Variants in ENPP2 observed in about 807,000 individuals in gnomAD.
ENPP2 encodes the protein autotaxin.
ENPP2 carries 51 observed loss-of-function variants against 120.2 expected under a neutral mutation model. That is an observed-to-expected ratio of 0.42 (90% CI 0.34 to 0.54). ENPP2 has a LOEUF of 0.54. Among genes scored for constraint, ENPP2 ranks in the 20% least tolerant of loss-of-function variants. The probability of loss-of-function intolerance (pLI) is 0.04; values close to 1 mark genes in which losing one functional copy is unlikely to be tolerated. For synonymous variants in ENPP2, 365 were observed against 366.4 expected, an observed-to-expected ratio of 1.00 and a Z score of 0.04; for missense variants, 920 against 1,066.5, an observed-to-expected ratio of 0.86 and a Z score of 1.91.
chr8:119,589,516 C>T (rs1018399801), intron 13 of ENPP2, among the ~76,000 whole-genome samples: 1 of 151,968 alleles, frequency 6.6e-6, no homozygotes, highest in Admixed American at 6.6e-5. Flanking sequence ...CCCTGAAGTG[C>T]AAATACTAAA....
rs139233874 is a variant in ENPP2, at chr8:119,623,339, C to T, written c.293-1820G>A. Among the ~76,000 whole-genome samples the T allele has an allele frequency of 2.6e-5, 4 of 152,018 alleles. No individual in the cohort carries two copies. The South Asian group carries it at 6.3e-4, about 24-fold the overall frequency. ...AATTAGCCGGGCATGGTGGTGCATG[C>T]CTGTAATCCCAGCTACTCAGGAGGC... On this transcript the variant is annotated intron_variant, in intron 3 of 24. Transcript: ENST00000075322.
intron 15 of ENPP2, 88 bp downstream of exon 15, chr8:119,586,098 A>G (rs1587396871): frequency 7.2e-7 from 1 of 1,385,662 alleles, no homozygotes; most frequent in East Asian, 2.3e-5. Context: ...TATTTCTTTC[A>G]GTGATGACTA....
At chr8:119,658,318 T>C (rs1279401797) in intron 1 of ENPP2, among the ~76,000 whole-genome samples, 1 of 152,232 alleles carries the variant, frequency 6.6e-6, no homozygotes, top group Non-Finnish European at 1.5e-5. Flanking sequence ...TCGCGCAAGC[T>C]GGAGTGCAGT....
At chr8:119,645,861 T>C (rs1817431897) in intron 1 of ENPP2, among the ~76,000 whole-genome samples, 1 of 152,068 alleles carries the variant, frequency 6.6e-6, no homozygotes, top group South Asian at 2.1e-4. Flanking sequence ...TTCCTGTTTG[T>C]ACTCTCTGTC....
At chr8:119,609,021 G>A (rs1365644532) in intron 8 of ENPP2, among the ~76,000 whole-genome samples, 1 of 152,178 alleles carries the variant, frequency 6.6e-6, no homozygotes, top group African/African-American at 2.4e-5. Context: ...GAGAATTGTG[G>A]TTTGCCTAAG....
intron 2 of ENPP2, among the ~76,000 whole-genome samples, chr8:119,630,559 C>A (rs1816592358): frequency 6.6e-6 from 1 of 152,182 alleles, no homozygotes; most frequent in East Asian, 1.9e-4. Context: ...AATTGAATCT[C>A]ACTTAATAGT....
chr8:119,600,398 T>G (rs1814214348), intron 11 of ENPP2, among the ~76,000 whole-genome samples: 1 of 152,198 alleles, frequency 6.6e-6, no homozygotes, highest in African/African-American at 2.4e-5. Flanking sequence ...ACCCTCCAAC[T>G]GACGCCCACA....
rs781221284 is a variant in ENPP2, at chr8:119,582,534, T to G, written c.1612A>C (p.Asn538His). The G allele has an allele frequency of 6.2e-7, 1 of 1,613,618 alleles. No homozygotes were observed. Residue 538 changes from asparagine to histidine, a missense_variant, in exon 18 of 25, where the codon AAT (asparagine) becomes CAT (histidine). By Grantham distance (68) the Asn-to-His change is moderately conservative. Transcript: ENST00000075322. Reference sequence around the variant, plus strand: ...TCTGGCATGGTTGGCCTGAAGGTATTAGTGCGCAGGAGATGATTCAAACTT... The same window carrying G: ...TCTGGCATGGTTGGCCTGAAGGTATGAGTGCGCAGGAGATGATTCAAACTT... Reference protein sequence around the residue: ...HGSLNHLLRTNTFRPTMPEEV... With the variant: ...HGSLNHLLRTHTFRPTMPEEV...
chr8:119,627,072 T>C (rs191952196), intron 2 of ENPP2, among the ~76,000 whole-genome samples: 24 of 152,274 alleles, frequency 1.6e-4, no homozygotes, highest in African/African-American at 5.8e-4. Context: ...TCTGTGATGA[T>C]TAGTGCCCCT....
At chr8:119,563,187 C>A (rs113842168) in intron 23 of ENPP2, among the ~76,000 whole-genome samples, 174 bp from the exon 24 acceptor site, 1 of 152,220 alleles carries the variant, frequency 6.6e-6, no homozygotes, top group African/African-American at 2.4e-5. Flanking sequence ...ATAATGTTTT[C>A]TTTGCCTGGA....
At chr8:119,645,145 T>G (rs1480805762) in intron 1 of ENPP2, among the ~76,000 whole-genome samples, 1 of 152,102 alleles carries the variant, frequency 6.6e-6, no homozygotes, top group African/African-American at 2.4e-5. Flanking sequence ...ATGGGGCATC[T>G]CCAGAACGGT....
At chr8:119,572,042 C>G (rs1587352298) in intron 19 of ENPP2, 1 of 660,452 alleles carries the variant, frequency 1.5e-6, no homozygotes, top group East Asian at 2.8e-5. Flanking sequence ...GGACCCACCC[C>G]TAAGGATTAG....
intron 9 of ENPP2, among the ~76,000 whole-genome samples, chr8:119,601,688 ACT>A (rs1814322170): frequency 6.6e-6 from 1 of 152,002 alleles, no homozygotes; most frequent in Non-Finnish European, 1.5e-5. Flanking sequence ...TACACTGGAA[ACT>A]CTGATTCACA....
intron 2 of ENPP2, among the ~76,000 whole-genome samples, chr8:119,636,336 T>C (rs1816998650): frequency 6.6e-6 from 1 of 152,224 alleles, no homozygotes; most frequent in African/African-American, 2.4e-5. Flanking sequence ...ATCCTTGATT[T>C]TTATTCAGGA....
intron 19 of ENPP2, among the ~76,000 whole-genome samples, 184 bp downstream of exon 19, chr8:119,579,932 C>T (rs1812612260): frequency 6.6e-6 from 1 of 152,164 alleles, no homozygotes; most frequent in African/African-American, 2.4e-5. Flanking sequence ...TTTTATTACA[C>T]AGCTGGCATC....
chr8:119,652,475 T>C (rs1200293125), intron 1 of ENPP2, among the ~76,000 whole-genome samples: 1 of 152,122 alleles, frequency 6.6e-6, no homozygotes, highest in Non-Finnish European at 1.5e-5. Flanking sequence ...GCAGAAATCG[T>C]TATAGAAACA....
intron 8 of ENPP2, among the ~76,000 whole-genome samples, chr8:119,608,830 C>A (rs942077754): frequency 2.6e-5 from 4 of 152,148 alleles, no homozygotes; most frequent in African/African-American, 9.7e-5. Flanking sequence ...AAACCAGTGT[C>A]TTAACATCTG....
At chr8:119,638,977 C>G, upstream of ENPP2, 1 of 633,480 alleles carries the variant, frequency 1.6e-6, no homozygotes, top group Non-Finnish European at 2.8e-6. Flanking sequence ...GAGGCTTAAG[C>G]TATCATCCCC....
At chr8:119,655,259 C>G (rs1019732725) in intron 1 of ENPP2, among the ~76,000 whole-genome samples, 2 of 152,214 alleles carry the variant, frequency 1.3e-5, no homozygotes, top group African/African-American at 4.8e-5. Context: ...CTCTCTGACA[C>G]GTCTGTGTCT....
Sources: allele counts gnomAD v4.1 joint callset (sites outside exome capture counted in the v4.1 genomes callset), GRCh38; gene constraint gnomAD v4.1.1; transcripts MANE v1.5; gene names NCBI Gene and HGNC (gene_info 2026-07-23, HGNC 2026-07-21).